The following SCFD1 variants were observed in gnomAD, a reference collection of about 807,000 sequenced individuals.
SCFD1 encodes the protein sec1 family domain containing 1.
In SCFD1, 37 loss-of-function variants were observed where a neutral mutation model predicts 103.2. That is an observed-to-expected ratio of 0.36 (90% CI 0.28 to 0.47). The LOEUF (loss-of-function observed/expected upper bound fraction) is 0.47. Among genes scored for constraint, SCFD1 ranks in the 20% least tolerant of loss-of-function variants. The pLI is 1.00. For missense variants in SCFD1, 639 were observed against 761.2 expected, an observed-to-expected ratio of 0.84 and a Z score of 1.89; for synonymous variants, 264 against 245.0, an observed-to-expected ratio of 1.08 and a Z score of -0.73.
intron 11 of SCFD1, among the ~76,000 whole-genome samples, chr14:30,671,439 T>G (rs1022642043): frequency 3.3e-5 from 5 of 152,160 alleles, no homozygotes; most frequent in African/African-American, 1.2e-4. Context: ...TAGAGAGGCA[T>G]TATTTATAGA....
At chr14:30,625,265 A>G (rs949167027) in intron 1 of SCFD1, among the ~76,000 whole-genome samples, 2 of 152,174 alleles carry the variant, frequency 1.3e-5, no homozygotes, top group African/African-American at 2.4e-5. Flanking sequence ...AACCAAGTCT[A>G]GGAATATGGA....
intron 1 of SCFD1, among the ~76,000 whole-genome samples, chr14:30,625,285 A>C (rs889776311): frequency 3.3e-5 from 5 of 152,144 alleles, no homozygotes; most frequent in African/African-American, 1.2e-4. Flanking sequence ...ATACAGGTTG[A>C]GTATCCCTTA....
At chr14:30,691,459 C>T (rs1330193328) in intron 14 of SCFD1, among the ~76,000 whole-genome samples, 1 of 152,136 alleles carries the variant, frequency 6.6e-6, no homozygotes, top group Non-Finnish European at 1.5e-5. Flanking sequence ...AGTAAAGTGC[C>T]TTACACATGA....
chr14:30,651,928 A>G (rs950469137), intron 9 of SCFD1, among the ~76,000 whole-genome samples: 2 of 152,114 alleles, frequency 1.3e-5, no homozygotes, highest in African/African-American at 4.8e-5. Flanking sequence ...AATCTTGTAT[A>G]CATTGTAGGA....
Position 30,731,324 on chromosome 14 carries a change from G to T in SCFD1, c.1837-3466G>T, listed in dbSNP as rs560546094. Among the ~76,000 whole-genome samples the T allele has an allele frequency of 2.6e-5, 4 of 152,290 alleles. No individual in the cohort carries two copies. In the South Asian group the frequency reaches 8.3e-4, roughly 32 times the overall value. Reference sequence around the variant, plus strand: ...TGTTCTTTTTGCTTAGGATTGACTTGGCAATGCAGGCTCTTTTTTGGTTCC... The same window carrying T: ...TGTTCTTTTTGCTTAGGATTGACTTTGCAATGCAGGCTCTTTTTTGGTTCC... On this transcript the variant is annotated intron_variant, in intron 23 of 24. Transcript: ENST00000458591.
intron 23 of SCFD1, among the ~76,000 whole-genome samples, chr14:30,726,533 C>T (rs1028388981): frequency 1.3e-5 from 2 of 151,504 alleles, no homozygotes; most frequent in African/African-American, 4.9e-5. Context: ...ACAAAATCAG[C>T]TCTTGCTTAT....
chr14:30,700,580 A>G (rs1260346804), intron 16 of SCFD1, among the ~76,000 whole-genome samples: 5 of 152,218 alleles, frequency 3.3e-5, no homozygotes, highest in African/African-American at 7.2e-5. Flanking sequence ...AGGCTGAGGC[A>G]GGAGAATCGC....
intron 3 of SCFD1, among the ~76,000 whole-genome samples, chr14:30,632,330 TGTTATA>T (rs1566577159): frequency 6.6e-6 from 1 of 152,184 alleles, no homozygotes; most frequent in East Asian, 1.9e-4. Flanking sequence ...GTTAATAGAC[TGTTATA>T]GTTTGTCAAT....
At chr14:30,635,395 C>G (rs1884620735) in intron 4 of SCFD1, among the ~76,000 whole-genome samples, 1 of 152,116 alleles carries the variant, frequency 6.6e-6, no homozygotes. Context: ...CAAAAAGAAA[C>G]CTGGTACCAT....
At chr14:30,724,591 G>C (rs1892913746) in intron 23 of SCFD1, among the ~76,000 whole-genome samples, 1 of 151,948 alleles carries the variant, frequency 6.6e-6, no homozygotes, top group Non-Finnish European at 1.5e-5. Context: ...TATAGATGCG[G>C]GATATTAGAC....
intron 20 of SCFD1, 117 bp from the exon 21 acceptor site, chr14:30,719,208 A>G (rs11625381): frequency 0.41 from 286,806 of 693,760 alleles, 66,675 homozygotes; most frequent in African/African-American, 0.79. Flanking sequence ...AGTATTAGGG[A>G]TGGTTGTTAT....
At chr14:30,724,544 T>C (rs1188325584) in intron 23 of SCFD1, among the ~76,000 whole-genome samples, 2 of 152,080 alleles carry the variant, frequency 1.3e-5, no homozygotes, top group African/African-American at 4.8e-5. Context: ...TGAGCCACCG[T>C]ATCTGGGCTG....
At chr14:30,729,233 C>A (rs570030391) in intron 23 of SCFD1, among the ~76,000 whole-genome samples, 1 of 151,982 alleles carries the variant, frequency 6.6e-6, no homozygotes, top group Admixed American at 6.6e-5. Flanking sequence ...TTTTAAAGTG[C>A]AAAAGTTTAT....
intron 10 of SCFD1, among the ~76,000 whole-genome samples, chr14:30,658,675 G>C (rs1051448724): frequency 6.6e-6 from 1 of 152,166 alleles, no homozygotes; most frequent in Admixed American, 6.5e-5. Flanking sequence ...TTACAGGCGT[G>C]AGCTAACGCA....
chr14:30,650,711 C>A, intron 9 of SCFD1, 61 bp downstream of exon 9: 1 of 957,982 alleles, frequency 1.0e-6, no homozygotes. Context: ...TTTTTTGTTA[C>A]TTTTCTTGGC....
intron 10 of SCFD1, chr14:30,658,080 C>T (rs936848105): frequency 4.4e-6 from 2 of 454,872 alleles, no homozygotes; most frequent in African/African-American, 4.0e-5. Context: ...ATCTTGGTTG[C>T]AGGAGAGGTG....
At chr14:30,623,261 T>A (rs1179808673) in intron 1 of SCFD1, among the ~76,000 whole-genome samples, 1 of 152,218 alleles carries the variant, frequency 6.6e-6, no homozygotes, top group Non-Finnish European at 1.5e-5. Context: ...TACTTGGAAT[T>A]CTGTTTCCTG....
intron 10 of SCFD1, among the ~76,000 whole-genome samples, chr14:30,665,981 C>G (rs1355024117): frequency 2.0e-5 from 3 of 152,134 alleles, no homozygotes; most frequent in African/African-American, 4.8e-5. Context: ...CTTTAACACC[C>G]CACTGTCAAT....
intron 14 of SCFD1, among the ~76,000 whole-genome samples, chr14:30,693,836 G>A (rs1200670387): frequency 6.6e-6 from 1 of 152,054 alleles, no homozygotes; most frequent in South Asian, 2.1e-4. Context: ...ACTCCCACTT[G>A]ATTATTAACA....
Sources: gnomAD v4.1 joint callset for allele counts (sites outside exome capture counted in the v4.1 genomes callset) on GRCh38, gnomAD v4.1.1 for gene constraint, MANE v1.5 for transcripts, NCBI Gene and HGNC (gene_info 2026-07-23, HGNC 2026-07-21) for gene names.